DPP6: variants seen among roughly 807,000 people sequenced by gnomAD.
DPP6 encodes A-type potassium channel modulatory protein DPP6.
DPP6 carries 69 observed loss-of-function variants against 122.6 expected under a neutral mutation model. The observed-to-expected ratio is 0.56, with a 90% confidence interval of 0.46 to 0.69. The LOEUF (loss-of-function observed/expected upper bound fraction) is 0.69, where lower values mean the gene tolerates loss of function less well. Among genes scored for constraint, DPP6 ranks in the 30% least tolerant of loss-of-function variants. The pLI, the probability that DPP6 is intolerant of heterozygous loss-of-function variation, is 0.00. For missense variants in DPP6, 928 were observed against 1,116.9 expected, an observed-to-expected ratio of 0.83 and a Z score of 2.41; for synonymous variants, 418 against 433.1, an observed-to-expected ratio of 0.97 and a Z score of 0.43.
At chr7:154,186,360 C>T (rs1228506602) in intron 1 of DPP6, among the ~76,000 whole-genome samples, 4 of 152,188 alleles carry the variant, frequency 2.6e-5, no homozygotes, top group Admixed American at 2.0e-4. Flanking sequence ...TGGTGATGAA[C>T]AAAAGACTAG....
At chr7:153,920,867 C>T (rs6464371) in intron 1 of DPP6, among the ~76,000 whole-genome samples, 113,350 of 151,976 alleles carry the variant, frequency 0.75, 42,489 homozygotes, top group East Asian at 0.92. Flanking sequence ...CCCTTTCTTA[C>T]ACGTTATTAA....
At chr7:154,290,188 A>G (rs1173362374) in intron 1 of DPP6, among the ~76,000 whole-genome samples, 4 of 152,224 alleles carry the variant, frequency 2.6e-5, no homozygotes, top group Non-Finnish European at 5.9e-5. Context: ...ATGTTGCTGC[A>G]GCCAAACGTC....
At chr7:154,529,346 A>T (rs538551295) in intron 3 of DPP6, among the ~76,000 whole-genome samples, 2 of 152,194 alleles carry the variant, frequency 1.3e-5, no homozygotes, top group Non-Finnish European at 2.9e-5. Flanking sequence ...CACTAACAAC[A>T]CTAACAACAA....
At chr7:153,955,375 A>G (rs1236941613) in intron 1 of DPP6, among the ~76,000 whole-genome samples, 1 of 152,176 alleles carries the variant, frequency 6.6e-6, no homozygotes, top group Non-Finnish European at 1.5e-5. Context: ...TTTGTGCTTT[A>G]TATGTGTTAC....
intron 5 of DPP6, among the ~76,000 whole-genome samples, chr7:154,620,391 C>A (rs1414560958): frequency 2.6e-5 from 4 of 152,176 alleles, no homozygotes; most frequent in African/African-American, 9.7e-5. Context: ...TTCTTCCCAA[C>A]CCAGGATTAA....
At chr7:154,580,024 C>T (rs1490288183) in intron 5 of DPP6, among the ~76,000 whole-genome samples, 1 of 152,090 alleles carries the variant, frequency 6.6e-6, no homozygotes, top group Non-Finnish European at 1.5e-5. Context: ...CCCAAATTAG[C>T]AGCACCCTTG....
chr7:154,124,863 C>G (rs543003159), intron 1 of DPP6, among the ~76,000 whole-genome samples: 314 of 152,064 alleles, frequency 2.1e-3, no homozygotes, highest in African/African-American at 7.3e-3. Flanking sequence ...GGCCTGGACT[C>G]GAAATAAAAT....
intron 1 of DPP6, among the ~76,000 whole-genome samples, chr7:154,248,857 C>T (rs112481376): frequency 6.6e-6 from 1 of 151,258 alleles, no homozygotes; most frequent in African/African-American, 2.4e-5. Context: ...CAGAGGGAGA[C>T]TCCGTCTCAG....
chr7:153,899,365 A>G (rs944601416), intron 1 of DPP6, among the ~76,000 whole-genome samples: 1 of 152,158 alleles, frequency 6.6e-6, no homozygotes, highest in Non-Finnish European at 1.5e-5. Flanking sequence ...CCATCCAGCC[A>G]TAATCTCAGG....
upstream of DPP6, among the ~76,000 whole-genome samples, chr7:153,884,137 T>A (rs1471023495): frequency 6.6e-6 from 1 of 152,154 alleles, no homozygotes; most frequent in Admixed American, 6.5e-5. Context: ...ATTAGGTATA[T>A]CTCCTAATGC....
At chr7:154,303,493 G>A (rs1585874404) in intron 1 of DPP6, among the ~76,000 whole-genome samples, 2 of 152,184 alleles carry the variant, frequency 1.3e-5, no homozygotes, top group South Asian at 2.1e-4. Flanking sequence ...CTCTAAGGCC[G>A]ACTCTTGCTT....
In DPP6 at chr7:154,877,510, C is replaced by A. The variant is rs1173340350; in HGVS notation, c.2078+1410C>A. On this transcript the variant is annotated intron_variant, in intron 20 of 25. Coordinates refer to ENST00000377770, the MANE Select transcript of DPP6 (RefSeq NM_130797.4). The surrounding 1 kb of genome is among the most constrained non-coding windows in gnomAD (Gnocchi z 5.2). Reference sequence around the variant, plus strand: ...CAAGGTTGATGAATCCAGACACCAACAATGTCACCAACGACCCAGGCTCTC... The same window carrying A: ...CAAGGTTGATGAATCCAGACACCAAAAATGTCACCAACGACCCAGGCTCTC... 2.6e-5 allele frequency among the ~76,000 whole-genome samples: 4 copies of A among 152,110 alleles called. No individual in the cohort carries two copies. The highest frequency in any genetic ancestry group is 9.7e-5 in the African/African-American group (4 of 41,420).
chr7:154,061,949 C>CG (rs1802014318), intron 1 of DPP6, among the ~76,000 whole-genome samples: 1 of 132,620 alleles, frequency 7.5e-6, no homozygotes, highest in Non-Finnish European at 1.6e-5. Flanking sequence ...GGGGAGGCAA[C>CG]CCTGCGAGGG....
At chr7:153,789,107 G>A in the DPP6 span, among the ~76,000 whole-genome samples, 1 of 152,148 alleles carries the variant, frequency 6.6e-6, no homozygotes, top group South Asian at 2.1e-4. Flanking sequence ...TTTCAGAAAT[G>A]CTGTATCACT....
chr7:154,035,085 T>C (rs1196621392), intron 1 of DPP6, among the ~76,000 whole-genome samples: 1 of 152,166 alleles, frequency 6.6e-6, no homozygotes, highest in Non-Finnish European at 1.5e-5. Flanking sequence ...GCAACCTCTT[T>C]ATGCACTCAC....
intron 19 of DPP6, among the ~76,000 whole-genome samples, chr7:154,873,102 C>T (rs12536362): frequency 2.7e-4 from 41 of 152,236 alleles, no homozygotes; most frequent in Non-Finnish European, 4.6e-4. Context: ...TGGCCACTGC[C>T]GTGAATGCCC....
chr7:154,021,614 G>T lies in DPP6; in HGVS notation c.51+133880G>T, dbSNP rs116611104. Among the ~76,000 whole-genome samples, 1,251 of 152,262 alleles carry T rather than the reference G, an allele frequency of 8.2e-3. 20 individuals carry two copies. The highest frequency in any genetic ancestry group is 0.029 in the African/African-American group (1,198 of 41,558). On this transcript the variant is annotated intron_variant, in intron 1 of 25. Coordinates refer to the DPP6 transcript ENST00000404039. Reference sequence around the variant, plus strand: ...ATCCCCTGTGTATGTGGGGCTGAAGGCTCATGATGCAGTGAAGGACCACCA... The same window carrying T: ...ATCCCCTGTGTATGTGGGGCTGAAGTCTCATGATGCAGTGAAGGACCACCA...
intron 22 of DPP6, among the ~76,000 whole-genome samples, 182 bp downstream of exon 22, chr7:154,885,926 T>G (rs1271858634): frequency 6.6e-6 from 1 of 151,958 alleles, no homozygotes; most frequent in Non-Finnish European, 1.5e-5. Flanking sequence ...GGGTCTCAGG[T>G]AATATGTTTT....
At chr7:154,847,009 C>G (rs978108753) in intron 16 of DPP6, among the ~76,000 whole-genome samples, 1 of 151,964 alleles carries the variant, frequency 6.6e-6, no homozygotes, top group African/African-American at 2.4e-5. Context: ...GAGTAATTTC[C>G]CATTTGTGAC....
Sources: gnomAD v4.1 joint callset for allele counts (sites outside exome capture counted in the v4.1 genomes callset) on GRCh38, gnomAD v4.1.1 for gene constraint, Gnocchi (gnomAD v3.1) non-coding constraint, MANE v1.5 for transcripts, NCBI Gene and HGNC (gene_info 2026-07-23, HGNC 2026-07-21) for gene names.